The following CHCHD3 variants were observed in gnomAD, a reference collection of about 807,000 sequenced individuals.
The protein encoded by CHCHD3 is coiled-coil-helix-coiled-coil-helix domain containing 3.
Under a neutral mutation model 38.2 loss-of-function variants are expected in CHCHD3, and 20 were observed. The ratio of observed to expected loss-of-function variants is 0.52; its 90% confidence interval spans 0.37 to 0.76. The LOEUF is 0.76. Among genes scored for constraint, CHCHD3 ranks in the 30% least tolerant of loss-of-function variants. The probability of loss-of-function intolerance (pLI) is 0.00; values close to 1 mark genes in which losing one functional copy is unlikely to be tolerated. For missense variants in CHCHD3, 245 were observed against 279.2 expected, an observed-to-expected ratio of 0.88 and a Z score of 0.87; for synonymous variants, 82 against 100.0, an observed-to-expected ratio of 0.82 and a Z score of 1.07.
intron 3 of CHCHD3, among the ~76,000 whole-genome samples, chr7:133,015,846 C>T (rs10227317): frequency 0.37 from 56,437 of 151,966 alleles, 10,646 homozygotes; most frequent in Admixed American, 0.43. Context: ...GTACAGGAAG[C>T]ATGGCAGCAT....
chr7:132,804,860 T>C (rs1585529206), intron 6 of CHCHD3, among the ~76,000 whole-genome samples: 1 of 152,338 alleles, frequency 6.6e-6, no homozygotes, highest in South Asian at 2.1e-4. Context: ...TGATTTGCCC[T>C]TTAAGTGTCA....
chr7:132,988,989 AAC>A (rs1812198941), intron 3 of CHCHD3, among the ~76,000 whole-genome samples: 1 of 152,232 alleles, frequency 6.6e-6, no homozygotes, highest in Non-Finnish European at 1.5e-5. Context: ...TATACAGTAT[AAC>A]AACTATTTAC....
intron 3 of CHCHD3, among the ~76,000 whole-genome samples, chr7:133,002,308 C>G (rs1044921701): frequency 1.3e-5 from 2 of 152,160 alleles, no homozygotes; most frequent in Non-Finnish European, 2.9e-5. Flanking sequence ...ATTAACTTGG[C>G]TTCCTAACTG....
chr7:132,817,713 A>G (rs1433328875), intron 6 of CHCHD3, among the ~76,000 whole-genome samples: 1 of 151,972 alleles, frequency 6.6e-6, no homozygotes, highest in Admixed American at 6.6e-5. Context: ...AACCAGCATC[A>G]CACTGCTAGC....
chr7:132,992,549 C>G (rs532961720), intron 3 of CHCHD3, among the ~76,000 whole-genome samples: 1 of 152,276 alleles, frequency 6.6e-6, no homozygotes, highest in East Asian at 1.9e-4. Context: ...GGCTACTGAG[C>G]CCAGAAATGT....
intron 3 of CHCHD3, among the ~76,000 whole-genome samples, chr7:132,995,541 C>T (rs1812391515): frequency 6.6e-6 from 1 of 152,218 alleles, no homozygotes; most frequent in Admixed American, 6.5e-5. Context: ...TCAGAATTCA[C>T]ATCCAAGACA....
At chr7:132,916,470 G>A (rs1393560821) in intron 4 of CHCHD3, among the ~76,000 whole-genome samples, 1 of 148,300 alleles carries the variant, frequency 6.7e-6, no homozygotes, top group African/African-American at 2.4e-5. Flanking sequence ...GAAAATAAGT[G>A]AGTACTGTAC....
At chr7:133,050,798 T>G (rs2117500304) in intron 2 of CHCHD3, among the ~76,000 whole-genome samples, 1 of 152,170 alleles carries the variant, frequency 6.6e-6, no homozygotes, top group East Asian at 1.9e-4. Context: ...ATAGACCACT[T>G]GAGGTCAGGA....
At position 132,815,335 on chromosome 7, in the gene CHCHD3, A is replaced by C. The variant is rs117991381; in HGVS notation, c.525-18758T>G. 8.6e-3 allele frequency: 2,341 copies of C among 272,932 alleles called. 12 individuals are homozygous for C. Among genetic ancestry groups the C allele is most frequent in the Non-Finnish European group, 0.013 (1,760 of 138,374 alleles). 16.9% of individuals were successfully genotyped at this position (272,932 alleles called of 1,614,324 possible). A position where few individuals can be genotyped will look rare whatever the true frequency, so the allele number is the denominator to read the frequency against. On this transcript the variant is annotated intron_variant, in intron 6 of 7. Coordinates refer to ENST00000262570, the MANE Select transcript of CHCHD3 (RefSeq NM_017812.4). ...GCCCAGGAGACTATTTCAAAAATGT[A>C]CCAAAGGTTAATATGTTTGCATATA... is the stretch of plus-strand genomic sequence containing the variant.
chr7:132,828,303 T>C (rs1807558969), intron 6 of CHCHD3, among the ~76,000 whole-genome samples: 1 of 152,210 alleles, frequency 6.6e-6, no homozygotes, highest in Non-Finnish European at 1.5e-5. Flanking sequence ...TTCTTGATTT[T>C]TGCCATTCCT....
At chr7:132,832,460 T>C (rs1585554716) in intron 6 of CHCHD3, among the ~76,000 whole-genome samples, 1 of 152,162 alleles carries the variant, frequency 6.6e-6, no homozygotes, top group East Asian at 1.9e-4. Flanking sequence ...ATGAAATCAT[T>C]CCAAAAATAT....
chr7:133,072,219 C>A (rs1437286300), intron 1 of CHCHD3, among the ~76,000 whole-genome samples: 1 of 149,920 alleles, frequency 6.7e-6, no homozygotes, highest in Non-Finnish European at 1.5e-5. Flanking sequence ...GGATGAATTT[C>A]ATGGCATGTA....
chr7:132,976,644 T>C (rs1323013921), intron 3 of CHCHD3, among the ~76,000 whole-genome samples: 1 of 152,202 alleles, frequency 6.6e-6, no homozygotes, highest in Non-Finnish European at 1.5e-5. Context: ...AAAGTAAAAT[T>C]GTTATGTTGG....
intron 2 of CHCHD3, among the ~76,000 whole-genome samples, chr7:133,030,710 T>A (rs1011539614): frequency 2.6e-5 from 4 of 152,260 alleles, no homozygotes; most frequent in Non-Finnish European, 4.4e-5. Context: ...CTGTACTTTT[T>A]AAAATTCTTC....
chr7:132,929,921 T>C (rs974292869), intron 4 of CHCHD3, among the ~76,000 whole-genome samples: 1 of 152,172 alleles, frequency 6.6e-6, no homozygotes, highest in African/African-American at 2.4e-5. Flanking sequence ...TCCTGCATGA[T>C]GGCTGTAATG....
intron 4 of CHCHD3, among the ~76,000 whole-genome samples, chr7:132,895,374 C>T (rs1663184393): frequency 1.3e-5 from 2 of 152,206 alleles, no homozygotes; most frequent in Non-Finnish European, 1.5e-5. Flanking sequence ...GCCTCTAATC[C>T]GTACAGCCCA....
intron 1 of CHCHD3, among the ~76,000 whole-genome samples, chr7:133,079,298 T>G (rs1242145537): frequency 1.3e-5 from 2 of 152,216 alleles, no homozygotes; most frequent in African/African-American, 2.4e-5. Flanking sequence ...ATACATTATG[T>G]CAAATTCTCA....
At chr7:132,981,517 CT>C (rs1464720124) in intron 3 of CHCHD3, among the ~76,000 whole-genome samples, 3 of 152,284 alleles carry the variant, frequency 2.0e-5, no homozygotes, top group African/African-American at 7.2e-5. Flanking sequence ...AAAATAGGCT[CT>C]TTTAAAATTT....
chr7:132,836,441 CT>C lies in CHCHD3; in HGVS notation c.524+1957del, dbSNP rs1483928968. The stretch of plus-strand genomic sequence containing the variant: ...GGCGCCATGTCTAAACTTTCAACAA[CT>C]TTTTTTTTCTCTTGCACTTGTAGAG... On this transcript the variant is annotated intron_variant, in intron 6 of 7. Coordinates refer to ENST00000262570, the MANE Select transcript of CHCHD3 (RefSeq NM_017812.4). Among the ~76,000 whole-genome samples, 6 of 151,146 alleles carry C rather than the reference CT, an allele frequency of 4.0e-5. No individual in the cohort carries two copies. In the East Asian group the frequency reaches 9.8e-4, roughly 25 times the overall value.
Sources: gnomAD v4.1 joint callset for allele counts (sites outside exome capture counted in the v4.1 genomes callset) on GRCh38, gnomAD v4.1.1 for gene constraint, MANE v1.5 for transcripts, NCBI Gene and HGNC (gene_info 2026-07-23, HGNC 2026-07-21) for gene names.